FIGNL2: variants seen among roughly 807,000 people sequenced by gnomAD.
FIGNL2 encodes fidgetin like 2.
For missense variants in FIGNL2, 1,060 were observed against 950.2 expected (o/e 1.12, Z -1.52); for synonymous variants, 565 against 484.0 (o/e 1.17, Z -2.20).
Position 51,818,010 on chromosome 12 carries a change from T to C in FIGNL2, c.*2442A>G, listed in dbSNP as rs1330722296. On this transcript the variant is annotated 3_prime_UTR_variant, in exon 2 of 2. Coordinates refer to ENST00000618634, the MANE Select transcript of FIGNL2 (RefSeq NM_001384995.1). The stretch of plus-strand genomic sequence containing the variant: ...GTCAGACAGGAGATAAATACGTCCA[T>C]GTACAACACGCAGCAAAATGAGGTA... 6.6e-6 allele frequency: 1 copy of C among 152,468 alleles called. No individual in the cohort carries two copies. The highest frequency in any genetic ancestry group is 1.5e-5 in the Non-Finnish European group (1 of 68,100). The allele number at this position is 152,468 out of a possible 1,614,324, so 9.4% of individuals were successfully genotyped here.
intron 1 of FIGNL2, chr12:51,847,141 G>C: frequency 2.0e-6 from 2 of 985,422 alleles, no homozygotes; most frequent in Non-Finnish European, 2.4e-6. Context: ...CAGGCACAGC[G>C]GGGAATGGCG....
intron 1 of FIGNL2, among the ~76,000 whole-genome samples, chr12:51,837,421 C>T (rs1222149657): frequency 6.6e-6 from 1 of 152,212 alleles, no homozygotes; most frequent in East Asian, 1.9e-4. Context: ...GGCGTGGGGC[C>T]TGCCGGTACC....
Position 51,830,377 on chromosome 12 carries a change from A to G in FIGNL2, c.-11-7953T>C, listed in dbSNP as rs557650921. Among the ~76,000 whole-genome samples the G allele has an allele frequency of 2.3e-3, 355 of 152,240 alleles. 3 individuals are homozygous for G. The highest frequency in any genetic ancestry group is 8.3e-3 in the African/African-American group (344 of 41,534). On this transcript the variant is annotated intron_variant, in intron 1 of 1. Coordinates refer to ENST00000618634, the MANE Select transcript of FIGNL2 (RefSeq NM_001384995.1). ...AGTATGTGAGGGAATGCATATGTTAATTAGCTCAATTTAGCCATTCCACAA... is the reference window on the plus strand; with the variant it reads ...AGTATGTGAGGGAATGCATATGTTAGTTAGCTCAATTTAGCCATTCCACAA...
intron 1 of FIGNL2, chr12:51,847,658 TC>T: frequency 1.0e-6 from 1 of 985,150 alleles, no homozygotes; most frequent in Non-Finnish European, 1.2e-6. Flanking sequence ...TTCCCAGGCC[TC>T]CTCCTCTGGC....
intron 1 of FIGNL2, chr12:51,824,629 C>A (rs1405116006): frequency 1.3e-5 from 2 of 152,222 alleles, no homozygotes. Context: ...ATATGCAGCC[C>A]TCCAGCTCTT....
intron 1 of FIGNL2, among the ~76,000 whole-genome samples, chr12:51,836,783 C>T (rs1939585065): frequency 2.0e-5 from 3 of 152,154 alleles, no homozygotes; most frequent in South Asian, 4.1e-4. Context: ...AGGGACATGG[C>T]TGGTGGGCTT....
rs1217411679 is a variant in FIGNL2 at position 51,819,054 on chromosome 12, A to C, written c.*1398T>G. Reference sequence around the variant, plus strand: ...CTCACTCCTCCTCAGAGCCTCCAGCAGAGATGGCTGAGGTCCAGTAGCTGA... The same window carrying C: ...CTCACTCCTCCTCAGAGCCTCCAGCCGAGATGGCTGAGGTCCAGTAGCTGA... On this transcript the variant is annotated 3_prime_UTR_variant, in exon 2 of 2. Transcript: ENST00000618634. The C allele has an allele frequency of 6.6e-6, 1 of 152,336 alleles. No individual in the cohort carries two copies. 9.4% of individuals were successfully genotyped at this position (152,336 alleles called of 1,614,324 possible). A position where few individuals can be genotyped will look rare whatever the true frequency, so the allele number is the denominator to read the frequency against.
intron 1 of FIGNL2, chr12:51,841,815 A>C (rs1939666026): frequency 1.3e-5 from 2 of 152,156 alleles, no homozygotes; most frequent in Admixed American, 1.3e-4. Context: ...GCTCCTGAAG[A>C]CCAGATCTCT....
intron 1 of FIGNL2, chr12:51,847,887 C>A: frequency 2.1e-6 from 2 of 950,160 alleles, no homozygotes; most frequent in Non-Finnish European, 2.5e-6. Flanking sequence ...TGCCTGTAGC[C>A]CCAGGGTGAA....
intron 1 of FIGNL2, among the ~76,000 whole-genome samples, chr12:51,842,523 C>G (rs1246729393): frequency 6.6e-6 from 1 of 152,162 alleles, no homozygotes; most frequent in Non-Finnish European, 1.5e-5. Flanking sequence ...TTTTCTTTCC[C>G]CACTGGCCTG....
intron 1 of FIGNL2, among the ~76,000 whole-genome samples, chr12:51,830,682 G>T (rs753518331): frequency 7.2e-5 from 11 of 151,916 alleles, no homozygotes; most frequent in Admixed American, 1.3e-4. Flanking sequence ...TAGTAGAGAT[G>T]GGGTTTCACC....
At position 51,834,348 on chromosome 12, in the gene FIGNL2, C is replaced by T. The variant is rs372878310; in HGVS notation, c.-11-11924G>A. ...GTCCAGCCCCCAAAGGCACCTATCTCAGCCCCCCAGAGACTCCACAGGGCC... is the reference window on the plus strand; with the variant it reads ...GTCCAGCCCCCAAAGGCACCTATCTTAGCCCCCCAGAGACTCCACAGGGCC... On this transcript the variant is annotated intron_variant, in intron 1 of 1. Coordinates refer to ENST00000618634, the MANE Select transcript of FIGNL2 (RefSeq NM_001384995.1). 3.9e-5 allele frequency among the ~76,000 whole-genome samples: 6 copies of T among 152,244 alleles called. No homozygotes were observed. The East Asian group carries it at 7.7e-4, about 20-fold the overall frequency.
chr12:51,820,466 C>A lies in FIGNL2; in HGVS notation c.1948G>T (p.Gly650Cys). ...CCCGCGCGCCGTCAGTGTCCGGAGC[C>A]GTACATTTTGTCCCACTCCACGAAC... The part of the protein sequence containing the change: ...DSFVEWDKMY[G>C]SGH The change falls in exon 2 of 2, where the codon GGC (glycine) becomes TGC (cysteine). Residue 650 changes from glycine to cysteine, a missense_variant. Coordinates refer to ENST00000618634, the MANE Select transcript of FIGNL2 (RefSeq NM_001384995.1). The A allele has an allele frequency of 6.3e-7, 1 of 1,590,338 alleles. No individual in the cohort carries two copies. The highest frequency in any genetic ancestry group is 8.5e-7 in the Non-Finnish European group (1 of 1,176,022).
chr12:51,834,178 TAAAG>T (rs1592192497), intron 1 of FIGNL2, among the ~76,000 whole-genome samples: 1 of 151,838 alleles, frequency 6.6e-6, no homozygotes, highest in Non-Finnish European at 1.5e-5. Flanking sequence ...TGTGTCCAAA[TAAAG>T]AAAGCAATCA....
At chr12:51,832,391 T>C (rs1939489480) in intron 1 of FIGNL2, among the ~76,000 whole-genome samples, 1 of 152,078 alleles carries the variant, frequency 6.6e-6, no homozygotes, top group Non-Finnish European at 1.5e-5. Context: ...TTTTCTATGC[T>C]ACTGTTTCTT....
At chr12:51,845,781 G>A (rs1939739470) in intron 1 of FIGNL2, 2 of 463,476 alleles carry the variant, frequency 4.3e-6, no homozygotes, top group South Asian at 9.2e-5. Flanking sequence ...AGCTTGGGGG[G>A]AGAGTCGGGG....
At chr12:51,846,244 C>T (rs563805278) in intron 1 of FIGNL2, among the ~76,000 whole-genome samples, 35 of 152,362 alleles carry the variant, frequency 2.3e-4, no homozygotes, top group African/African-American at 7.9e-4. Flanking sequence ...GAAGGGAGCA[C>T]AGGTGCAGGC....
chr12:51,828,232 A>T (rs1295022206), intron 1 of FIGNL2: 1 of 152,186 alleles, frequency 6.6e-6, no homozygotes, highest in Admixed American at 6.5e-5. Flanking sequence ...AGATAACCAG[A>T]CACACCCCTG....
chr12:51,832,124 C>T (rs1317075847), intron 1 of FIGNL2, among the ~76,000 whole-genome samples: 2 of 152,156 alleles, frequency 1.3e-5, no homozygotes, highest in Non-Finnish European at 2.9e-5. Flanking sequence ...TTAAGCAATT[C>T]TCCTGCCTCA....
Sources: gnomAD v4.1 joint callset for allele counts (sites outside exome capture counted in the v4.1 genomes callset) on GRCh38, gnomAD v4.1.1 for gene constraint, MANE v1.5 for transcripts, NCBI Gene and HGNC (gene_info 2026-07-23, HGNC 2026-07-21) for gene names.